CNTN5: variants seen among roughly 807,000 people sequenced by gnomAD.
CNTN5 encodes contactin 5, also known as contactin-5.
Under a neutral mutation model 129.1 loss-of-function variants are expected in CNTN5, and 77 were observed. The ratio of observed to expected loss-of-function variants is 0.60; its 90% CI spans 0.50 to 0.72. The LOEUF is 0.72. Ranked by LOEUF, CNTN5 falls within the 30% of genes least tolerant of loss-of-function variation. The pLI, the probability that CNTN5 is intolerant of heterozygous loss-of-function variation, is 0.00. For synonymous variants in CNTN5, 509 were observed against 465.6 expected (o/e 1.09, Z -1.20); for missense variants, 1,478 against 1,328.8 (o/e 1.11, Z -1.75).
intron 1 of CNTN5, among the ~76,000 whole-genome samples, chr11:99,042,929 A>G (rs1023969809): frequency 1.3e-5 from 2 of 148,476 alleles, no homozygotes; most frequent in Non-Finnish European, 2.9e-5. Context: ...TTTACATTTT[A>G]ATTTAAATTT....
At chr11:99,224,657 A>ATTTTT (rs3082693) in intron 1 of CNTN5, among the ~76,000 whole-genome samples, 6,674 of 108,820 alleles carry the variant, frequency 0.061, 566 homozygotes, top group Middle Eastern at 0.079. Flanking sequence ...CCAAGGTTGC[A>ATTTTT]TTTTTTTTTT....
rs1555025938 is a variant in CNTN5 at position 100,161,873 on chromosome 11, A to AC, written c.1581-29253_1581-29252insC. ...CACACACACACACACACACACACACAAAACAAAAAACAAAAAACAAAAAAC... is the reference window on the plus strand; with the variant it reads ...CACACACACACACACACACACACACACAAACAAAAAACAAAAAACAAAAAAC... On this transcript the variant is annotated intron_variant, in intron 13 of 24. Transcript: ENST00000524871. Among the ~76,000 whole-genome samples the AC allele has an allele frequency of 6.8e-3, 814 of 120,098 alleles. 8 individuals are homozygous for AC. The highest frequency in any genetic ancestry group is 0.023 in the African/African-American group (745 of 32,212). The allele number at this position is 120,098 out of a possible 152,430, so 78.8% of individuals were successfully genotyped here. A position where few individuals can be genotyped will look rare whatever the true frequency, so the allele number is the denominator to read the frequency against.
At chr11:100,177,113 AT>A (rs1211181745) in intron 13 of CNTN5, among the ~76,000 whole-genome samples, 1 of 152,062 alleles carries the variant, frequency 6.6e-6, no homozygotes, top group African/African-American at 2.4e-5. Flanking sequence ...ATAATGTGCA[AT>A]TTGAAGGAAA....
intron 7 of CNTN5, among the ~76,000 whole-genome samples, chr11:99,932,037 A>G (rs1345774056): frequency 1.3e-5 from 2 of 152,150 alleles, no homozygotes; most frequent in African/African-American, 4.8e-5. Context: ...AGTCTCCTGT[A>G]TAGTTTGCCA....
intron 3 of CNTN5, among the ~76,000 whole-genome samples, chr11:99,558,584 C>A (rs1948746672): frequency 6.6e-6 from 1 of 151,880 alleles, no homozygotes; most frequent in Admixed American, 6.6e-5. Context: ...AATAAACAGT[C>A]CCTGCAAAAG....
intron 1 of CNTN5, among the ~76,000 whole-genome samples, chr11:99,277,967 G>A (rs1026018498): frequency 6.6e-6 from 1 of 151,598 alleles, no homozygotes; most frequent in African/African-American, 2.4e-5. Context: ...TGATTATTGA[G>A]GTCAATTTTT....
chr11:99,288,828 T>C (rs1404398241), intron 1 of CNTN5, among the ~76,000 whole-genome samples: 1 of 151,832 alleles, frequency 6.6e-6, no homozygotes, highest in Admixed American at 6.6e-5. Flanking sequence ...CTTAAGTGGG[T>C]AATTTAAAAA....
In CNTN5 at chr11:99,247,476, T is replaced by TATA. The variant is rs771524377; in HGVS notation, c.-209-77869_-209-77867dup. ...CTTTTATTATTATTATTATTATTATTATACTTTAAGTTTTAGGGTACATGT... is the reference window on the plus strand; with the variant it reads ...CTTTTATTATTATTATTATTATTATTATAATACTTTAAGTTTTAGGGTACATGT... On this transcript the variant is annotated intron_variant, in intron 1 of 24. Coordinates refer to ENST00000524871, the MANE Select transcript of CNTN5 (RefSeq NM_014361.4). Among the ~76,000 whole-genome samples the TATA allele has an allele frequency of 4.2e-3, 631 of 151,762 alleles. 4 individuals carry two copies. Among genetic ancestry groups the TATA allele is most frequent in the Non-Finnish European group, 6.4e-3 (433 of 67,928 alleles).
chr11:99,600,575 C>A (rs893074966), intron 3 of CNTN5, among the ~76,000 whole-genome samples: 4 of 152,236 alleles, frequency 2.6e-5, no homozygotes, highest in Non-Finnish European at 5.9e-5. Flanking sequence ...CCTCTCCTTA[C>A]CCCTAGGATA....
chr11:99,901,541 C>T (rs531424027), intron 6 of CNTN5, among the ~76,000 whole-genome samples: 4 of 152,254 alleles, frequency 2.6e-5, no homozygotes, highest in African/African-American at 9.6e-5. Flanking sequence ...GACCTGCCCA[C>T]TTTGGCCTCC....
chr11:99,344,800 A>G (rs1273387567), intron 2 of CNTN5, among the ~76,000 whole-genome samples: 1 of 152,198 alleles, frequency 6.6e-6, no homozygotes, highest in African/African-American at 2.4e-5. Context: ...AGCATTCAAA[A>G]ATAAGAAAAG....
intron 3 of CNTN5, among the ~76,000 whole-genome samples, chr11:99,619,481 G>A (rs1480497510): frequency 6.6e-6 from 1 of 151,938 alleles, no homozygotes; most frequent in Admixed American, 6.6e-5. Flanking sequence ...ACATTTCCAT[G>A]GAGCTGTCAT....
At chr11:99,053,382 G>T (rs1170872410) in intron 1 of CNTN5, among the ~76,000 whole-genome samples, 2 of 151,648 alleles carry the variant, frequency 1.3e-5, no homozygotes, top group African/African-American at 4.8e-5. Context: ...AATTCTTCTG[G>T]GGTCTTATGC....
chr11:99,181,893 A>T (rs1255171820), intron 1 of CNTN5, among the ~76,000 whole-genome samples: 1 of 152,162 alleles, frequency 6.6e-6, no homozygotes, highest in Admixed American at 6.5e-5. Flanking sequence ...TACCACTAAC[A>T]ATTGAGCAAC....
chr11:99,978,743 A>G (rs1343240029), intron 8 of CNTN5, among the ~76,000 whole-genome samples: 1 of 152,176 alleles, frequency 6.6e-6, no homozygotes, highest in Non-Finnish European at 1.5e-5. Context: ...CTAATGTCGC[A>G]TTAATCCTCA....
chr11:100,234,849 C>T (rs1949576480), intron 16 of CNTN5, among the ~76,000 whole-genome samples: 1 of 147,304 alleles, frequency 6.8e-6, no homozygotes, highest in African/African-American at 2.5e-5. Context: ...AAAATGCCAC[C>T]AGGAAAACTG....
At chr11:100,310,805 C>A (rs1167316393) in intron 21 of CNTN5, among the ~76,000 whole-genome samples, 2 of 151,820 alleles carry the variant, frequency 1.3e-5, no homozygotes, top group African/African-American at 4.8e-5. Flanking sequence ...GAGAGAACGG[C>A]AAGCCCAGGA....
At chr11:99,288,031 G>A (rs908611001) in intron 1 of CNTN5, among the ~76,000 whole-genome samples, 5 of 151,876 alleles carry the variant, frequency 3.3e-5, no homozygotes, top group Admixed American at 6.6e-5. Context: ...CAGTGTTTTT[G>A]TCAGCACTGT....
chr11:99,229,283 C>T (rs923172484), intron 1 of CNTN5, among the ~76,000 whole-genome samples: 3 of 151,932 alleles, frequency 2.0e-5, no homozygotes, highest in African/African-American at 7.2e-5. Flanking sequence ...TACTAATGTG[C>T]ATTCAATGTG....
Sources: gnomAD v4.1 joint callset for allele counts (sites outside exome capture counted in the v4.1 genomes callset) on GRCh38, gnomAD v4.1.1 for gene constraint, MANE v1.5 for transcripts, NCBI Gene and HGNC (gene_info 2026-07-23, HGNC 2026-07-21) for gene names.